Variants in TMPRSS4 observed in about 807,000 individuals in gnomAD.
TMPRSS4 encodes transmembrane protease serine 4.
Under a neutral mutation model 56.4 loss-of-function variants are expected in TMPRSS4, and 45 were observed. That is an observed-to-expected ratio of 0.80 (90% CI 0.63 to 1.02). TMPRSS4 has a LOEUF of 1.02. Ranked by LOEUF, TMPRSS4 falls within the 50% of genes least tolerant of loss-of-function variation. The probability of loss-of-function intolerance (pLI) is 0.00; values close to 1 mark genes in which losing one functional copy is unlikely to be tolerated. For synonymous variants in TMPRSS4, 205 were observed against 211.0 expected, an observed-to-expected ratio of 0.97 and a Z score of 0.25; for missense variants, 546 against 556.7, an observed-to-expected ratio of 0.98 and a Z score of 0.19.
chr11:118,096,840 A>G (rs1398966002), intron 2 of TMPRSS4, among the ~76,000 whole-genome samples: 15 of 17,764 alleles, frequency 8.4e-4, no homozygotes, highest in African/African-American at 2.4e-3. Flanking sequence ...AGAAAGAAGG[A>G]AAGAAGGAAA....
chr11:118,118,975 TA>T lies in TMPRSS4; in HGVS notation c.*1065del, dbSNP rs1293984372. 2.4e-5 allele frequency: 24 copies of T among 985,284 alleles called. No homozygotes were observed. Among genetic ancestry groups the T allele is most frequent in the African/African-American group, 5.2e-5 (3 of 57,224 alleles). The allele number at this position is 985,284 out of a possible 1,614,324, so 61.0% of individuals were successfully genotyped here. ...CCTGCACTCAAAATGGTCAAAGAAT[TA>T]AACCCCATGGACTTTTTTGGCATCT... On this transcript the variant is annotated 3_prime_UTR_variant, in exon 13 of 13. Coordinates refer to ENST00000437212, the MANE Select transcript of TMPRSS4 (RefSeq NM_019894.4).
chr11:118,119,325 T>C lies in TMPRSS4; in HGVS notation c.*1412T>C. 1.0e-6 allele frequency: 1 copy of C among 985,400 alleles called. No individual in the cohort carries two copies. Among genetic ancestry groups the C allele is most frequent in the South Asian group, 4.7e-5 (1 of 21,292 alleles). 61.0% of individuals were successfully genotyped at this position (985,400 alleles called of 1,614,324 possible). On this transcript the variant is annotated 3_prime_UTR_variant, in exon 13 of 13. Transcript: ENST00000437212. ...GGCTCCTACATGAAGCAGGGATAAC[T>C]GATGGCAGTAAATGTGGTCTCAAAT...
chr11:118,096,899 G>T (rs865982867), intron 2 of TMPRSS4, among the ~76,000 whole-genome samples: 5 of 50,058 alleles, frequency 1.0e-4, no homozygotes, highest in Non-Finnish European at 1.7e-4. Context: ...AAGAAAGAAA[G>T]AAAGAAAGAA....
At chr11:118,123,663 C>T (rs1947838366), downstream of TMPRSS4, among the ~76,000 whole-genome samples, 1 of 152,070 alleles carries the variant, frequency 6.6e-6, no homozygotes, top group African/African-American at 2.4e-5. Flanking sequence ...GCTGGGACTA[C>T]AGGCGCCCGC....
intron 3 of TMPRSS4, among the ~76,000 whole-genome samples, chr11:118,101,659 G>T (rs763360111): frequency 6.6e-6 from 1 of 151,944 alleles, no homozygotes; most frequent in African/African-American, 2.4e-5. Flanking sequence ...TTAATTTTTC[G>T]TATAGACGAG....
At chr11:118,085,764 C>T (rs1349350292) in intron 1 of TMPRSS4, among the ~76,000 whole-genome samples, 1 of 152,240 alleles carries the variant, frequency 6.6e-6, no homozygotes, top group South Asian at 2.1e-4. Context: ...CTGGCCCTCT[C>T]GAGTCCCCTC....
At chr11:118,086,992 C>T (rs778012097) in intron 1 of TMPRSS4, 2 of 152,226 alleles carry the variant, frequency 1.3e-5, no homozygotes, top group Non-Finnish European at 2.9e-5. Flanking sequence ...GAAGAACTTT[C>T]CCCACCCCCT....
chr11:118,098,886 C>G, intron 2 of TMPRSS4, 99 bp from the exon 3 acceptor site: 1 of 905,936 alleles, frequency 1.1e-6, no homozygotes, highest in South Asian at 1.6e-5. Flanking sequence ...TCAAGGCATA[C>G]CTGTCACCGG....
At chr11:118,090,405 AT>A (rs1342631421) in intron 1 of TMPRSS4, among the ~76,000 whole-genome samples, 1 of 151,928 alleles carries the variant, frequency 6.6e-6, no homozygotes, top group Non-Finnish European at 1.5e-5. Context: ...GCTTTAGTTT[AT>A]TTTTTCTTTC....
Position 118,077,088 on chromosome 11 carries a change from TAC to T in TMPRSS4, c.-211_-210del. 1.8e-6 allele frequency: 1 copy of T among 543,794 alleles called. No homozygotes were observed. Among genetic ancestry groups the T allele is most frequent in the Non-Finnish European group, 3.3e-6 (1 of 306,730 alleles). The allele number at this position is 543,794 out of a possible 1,614,324, so 33.7% of individuals were successfully genotyped here. On this transcript the variant is annotated 5_prime_UTR_variant, in exon 1 of 13. Transcript: ENST00000437212. ...CAAAGTCCCCCAATCACTCCTGGAA[TAC>T]ACAGAGAGAGGCAGCAGCTTGCTCA...
At chr11:118,095,670 C>T (rs900321510) in intron 2 of TMPRSS4, among the ~76,000 whole-genome samples, 2 of 152,122 alleles carry the variant, frequency 1.3e-5, no homozygotes, top group African/African-American at 4.8e-5. Flanking sequence ...TGAATTTGCT[C>T]GAGGACCAGG....
In TMPRSS4 at chr11:118,077,228, G is replaced by A; in HGVS notation, c.-75G>A. Reference sequence around the variant, plus strand: ...GCTGGCCAGCCAGGACCTGTGTGGGGAGGCCCTCCTGCTGCCTTGGGGTGA... The same window carrying A: ...GCTGGCCAGCCAGGACCTGTGTGGGAAGGCCCTCCTGCTGCCTTGGGGTGA... On this transcript the variant is annotated 5_prime_UTR_variant, in exon 1 of 13. Coordinates refer to ENST00000437212, the MANE Select transcript of TMPRSS4 (RefSeq NM_019894.4). The A allele has an allele frequency of 6.4e-7, 1 of 1,558,082 alleles. No homozygotes were observed. Among genetic ancestry groups the A allele is most frequent in the Non-Finnish European group, 8.7e-7 (1 of 1,148,758 alleles).
chr11:118,108,789 G>A, intron 6 of TMPRSS4, 67 bp from the exon 7 acceptor site: 1 of 1,563,436 alleles, frequency 6.4e-7, no homozygotes, highest in Non-Finnish European at 8.8e-7. Flanking sequence ...AGCTTCGGGA[G>A]GCCTGAGTCC....
Position 118,116,080 on chromosome 11 carries a change from C to T in TMPRSS4, c.1152+800C>T, listed in dbSNP as rs369627746. ...CTGTAGACCTTCTTCCTCCCCCATACTTCCAGAGGATCTTCTGAACTATTT... is the reference window on the plus strand; with the variant it reads ...CTGTAGACCTTCTTCCTCCCCCATATTTCCAGAGGATCTTCTGAACTATTT... On this transcript the variant is annotated intron_variant, in intron 11 of 12. Transcript: ENST00000437212. 2.0e-5 allele frequency among the ~76,000 whole-genome samples: 3 copies of T among 152,332 alleles called. No individual in the cohort carries two copies. In the East Asian group the frequency reaches 5.8e-4, roughly 29 times the overall value.
chr11:118,118,277 A>C lies in TMPRSS4; in HGVS notation c.*364A>C, dbSNP rs561934136. The C allele has an allele frequency of 2.3e-5, 27 of 1,169,248 alleles. No homozygotes were observed. The African/African-American group carries it at 4.3e-4, about 19-fold the overall frequency. The allele number at this position is 1,169,248 out of a possible 1,614,324, so 72.4% of individuals were successfully genotyped here. ...CAGATCACTGTGGGCTGGAGAGGAG[A>C]AGGAAAGGGTCTGCGCCAGCCCTGT... On this transcript the variant is annotated 3_prime_UTR_variant, in exon 13 of 13. Coordinates refer to ENST00000437212, the MANE Select transcript of TMPRSS4 (RefSeq NM_019894.4).
chr11:118,086,062 A>G (rs936829306), intron 1 of TMPRSS4, among the ~76,000 whole-genome samples: 2 of 152,248 alleles, frequency 1.3e-5, no homozygotes, highest in Non-Finnish European at 2.9e-5. Context: ...CTTCAGTTTA[A>G]TTTAGCCCAA....
intron 1 of TMPRSS4, among the ~76,000 whole-genome samples, chr11:118,090,821 AACACACACAC>A (rs375243175): frequency 2.9e-5 from 4 of 140,342 alleles, no homozygotes; most frequent in African/African-American, 1.1e-4. Flanking sequence ...CACACACACA[AACACACACAC>A]ACACACACAC....
intron 1 of TMPRSS4, chr11:118,086,610 T>A (rs1211799093): frequency 6.5e-6 from 1 of 152,754 alleles, no homozygotes; most frequent in African/African-American, 2.4e-5. Context: ...CCCAGGATAC[T>A]TGGAAGTCGG....
At position 118,118,967 on chromosome 11, in the gene TMPRSS4, C is replaced by T. The variant is rs1391554572; in HGVS notation, c.*1054C>T. ...AATAAGTCCCTGCACTCAAAATGGT[C>T]AAAGAATTAAACCCCATGGACTTTT... On this transcript the variant is annotated 3_prime_UTR_variant, in exon 13 of 13. Transcript: ENST00000437212. 1.0e-6 allele frequency: 1 copy of T among 985,338 alleles called. No homozygotes were observed. The highest frequency in any genetic ancestry group is 1.7e-5 in the African/African-American group (1 of 57,304). The allele number at this position is 985,338 out of a possible 1,614,324, so 61.0% of individuals were successfully genotyped here.
Sources: allele counts gnomAD v4.1 joint callset (sites outside exome capture counted in the v4.1 genomes callset), GRCh38; gene constraint gnomAD v4.1.1; transcripts MANE v1.5; gene names NCBI Gene and HGNC (gene_info 2026-07-23, HGNC 2026-07-21).